BAALC: variants seen among roughly 807,000 people sequenced by gnomAD.
The protein encoded by BAALC is BAALC binder of MAP3K1 and KLF4.
Under a neutral mutation model 15.5 loss-of-function variants are expected in BAALC, and 9 were observed. The observed-to-expected ratio is 0.58, with a 90% CI of 0.35 to 1.02. The LOEUF is 1.02. BAALC is among the 50% of genes least tolerant of loss of function. BAALC has a pLI of 0.02. For synonymous variants in BAALC, 80 were observed against 74.6 expected (o/e 1.07, Z -0.37); for missense variants, 201 against 192.4 (o/e 1.04, Z -0.27).
intron 2 of BAALC, among the ~76,000 whole-genome samples, chr8:103,226,030 G>T (rs886941933): frequency 3.3e-5 from 5 of 152,270 alleles, no homozygotes; most frequent in Middle Eastern, 3.4e-3. Context: ...TGTGTTCAGG[G>T]GCCATGTTGT....
chr8:103,216,624 C>A (rs1342502592), intron 2 of BAALC, among the ~76,000 whole-genome samples: 1 of 152,166 alleles, frequency 6.6e-6, no homozygotes, highest in East Asian at 1.9e-4. Context: ...CATAGGCATG[C>A]ACCACCATGC....
At chr8:103,155,984 G>T (rs185171419) in intron 1 of BAALC, among the ~76,000 whole-genome samples, 1 of 152,212 alleles carries the variant, frequency 6.6e-6, no homozygotes, top group Non-Finnish European at 1.5e-5. Context: ...TGTGGGCCAC[G>T]TGATTTCTTT....
chr8:103,216,679 T>C (rs1291744119), intron 2 of BAALC, among the ~76,000 whole-genome samples: 1 of 152,164 alleles, frequency 6.6e-6, no homozygotes, highest in Admixed American at 6.5e-5. Flanking sequence ...TCTCACTATG[T>C]TGCCCAGGCT....
chr8:103,175,663 G>A (rs1370168848), intron 1 of BAALC, among the ~76,000 whole-genome samples: 1 of 152,226 alleles, frequency 6.6e-6, no homozygotes, highest in African/African-American at 2.4e-5. Flanking sequence ...TCCACTGAAT[G>A]CCAGGAAACT....
intron 1 of BAALC, among the ~76,000 whole-genome samples, chr8:103,169,923 C>T (rs965259470): frequency 1.3e-5 from 2 of 152,162 alleles, no homozygotes; most frequent in Non-Finnish European, 2.9e-5. Flanking sequence ...TTCTCTCCCC[C>T]TTCCAAAGGT....
intron 1 of BAALC, among the ~76,000 whole-genome samples, chr8:103,179,723 G>A (rs140803498): frequency 1.7e-3 from 253 of 152,370 alleles, no homozygotes; most frequent in Non-Finnish European, 3.0e-3. Flanking sequence ...CAGGCCCTGC[G>A]CTGGGCTCAC....
chr8:103,171,778 C>T (rs1563642404), intron 1 of BAALC, among the ~76,000 whole-genome samples: 1 of 152,178 alleles, frequency 6.6e-6, no homozygotes, highest in African/African-American at 2.4e-5. Context: ...CTGTTTACCT[C>T]TCGTGTCAGA....
intron 1 of BAALC, among the ~76,000 whole-genome samples, chr8:103,170,611 G>A (rs1430929365): frequency 2.0e-5 from 3 of 152,160 alleles, no homozygotes; most frequent in East Asian, 1.9e-4. Context: ...CTAGGAGAGG[G>A]TGTGGAACTG....
intron 1 of BAALC, among the ~76,000 whole-genome samples, chr8:103,203,873 A>G (rs866144078): frequency 6.6e-6 from 1 of 152,196 alleles, no homozygotes; most frequent in African/African-American, 2.4e-5. Flanking sequence ...TGGCTTTTAT[A>G]AATAAGATTG....
chr8:103,192,258 G>A (rs907508690), intron 1 of BAALC, among the ~76,000 whole-genome samples: 1 of 152,116 alleles, frequency 6.6e-6, no homozygotes, highest in African/African-American at 2.4e-5. Flanking sequence ...CATCATATTG[G>A]TCAAGCTGGT....
intron 1 of BAALC, chr8:103,191,445 C>T (rs1811965232): frequency 6.6e-6 from 1 of 152,008 alleles, no homozygotes. Context: ...TCTTGTATAT[C>T]TCTGCAGGGT....
At chr8:103,196,500 T>C (rs1424321259) in intron 1 of BAALC, among the ~76,000 whole-genome samples, 2 of 152,116 alleles carry the variant, frequency 1.3e-5, no homozygotes, top group Non-Finnish European at 2.9e-5. Context: ...ACACTGGTCT[T>C]GAACTCCTGG....
chr8:103,192,401 A>G (rs1380305988), intron 1 of BAALC, among the ~76,000 whole-genome samples: 1 of 152,262 alleles, frequency 6.6e-6, no homozygotes, highest in African/African-American at 2.4e-5. Flanking sequence ...GTTGTCAAAC[A>G]TAATCCTGTT....
At chr8:103,167,051 C>T (rs772221421) in intron 1 of BAALC, among the ~76,000 whole-genome samples, 1 of 152,126 alleles carries the variant, frequency 6.6e-6, no homozygotes, top group Non-Finnish European at 1.5e-5. Context: ...ACTATTATGA[C>T]CTAAATGGTC....
intron 2 of BAALC, among the ~76,000 whole-genome samples, chr8:103,221,403 C>T (rs200357180): frequency 4.0e-5 from 6 of 151,154 alleles, no homozygotes. Context: ...GAAGGATTGG[C>T]ACAGCTGCAT....
intron 1 of BAALC, among the ~76,000 whole-genome samples, chr8:103,167,602 T>G (rs1189578454): frequency 6.6e-6 from 1 of 152,200 alleles, no homozygotes; most frequent in Admixed American, 6.5e-5. Flanking sequence ...GATGAAAAGT[T>G]GGTATGGGGA....
intron 1 of BAALC, among the ~76,000 whole-genome samples, chr8:103,179,971 T>A (rs1488667079): frequency 6.6e-6 from 1 of 152,170 alleles, no homozygotes; most frequent in African/African-American, 2.4e-5. Context: ...GGGAAGTTGT[T>A]GTTCCTGGCG....
chr8:103,168,296 G>A (rs559030014), intron 1 of BAALC, among the ~76,000 whole-genome samples: 18 of 152,018 alleles, frequency 1.2e-4, no homozygotes, highest in South Asian at 2.1e-4. Flanking sequence ...TTGATGTTTC[G>A]GTCTAAGGCC....
chr8:103,146,639 T>C (rs190972198), intron 1 of BAALC, among the ~76,000 whole-genome samples: 223 of 152,344 alleles, frequency 1.5e-3, no homozygotes, highest in African/African-American at 5.0e-3. Flanking sequence ...TTTCTTCTTG[T>C]AGACCCCAGA....
Sources: gnomAD v4.1 joint callset for allele counts (sites outside exome capture counted in the v4.1 genomes callset) on GRCh38, gnomAD v4.1.1 for gene constraint, MANE v1.5 for transcripts, NCBI Gene and HGNC (gene_info 2026-07-23, HGNC 2026-07-21) for gene names.